HECTD4: variants seen among roughly 807,000 people sequenced by gnomAD.
HECTD4 encodes HECT domain E3 ubiquitin protein ligase 4, also known as probable E3 ubiquitin-protein ligase HECTD4.
A neutral mutation model predicts 471.5 loss-of-function variants in HECTD4; 114 were observed. The ratio of observed to expected loss-of-function variants is 0.24; its 90% CI spans 0.21 to 0.28. The LOEUF (loss-of-function observed/expected upper bound fraction) is 0.28, where lower values mean the gene tolerates loss of function less well. Among genes scored for constraint, HECTD4 ranks in the 10% least tolerant of loss-of-function variants. The pLI is 1.00. For synonymous variants in HECTD4, 2,012 were observed against 2,256.0 expected, an observed-to-expected ratio of 0.89 and a Z score of 3.07; for missense variants, 3,866 against 5,651.5, an observed-to-expected ratio of 0.68 and a Z score of 10.13.
chr12:112,171,189 G>A lies in HECTD4; in HGVS notation c.11860C>T (p.Leu3954=), dbSNP rs758117625. 6.2e-7 allele frequency: 1 copy of A among 1,613,412 alleles called. No individual in the cohort carries two copies. The highest frequency in any genetic ancestry group is 1.1e-5 in the South Asian group (1 of 90,908). The change falls in exon 68 of 76, where the codon CTG becomes TTG. Residue 3954 remains leucine (L), a synonymous_variant. Coordinates refer to ENST00000682272, the MANE Select transcript of HECTD4 (RefSeq NM_001388303.1). ...GTCTGGCGCAGCTCCACCAGGGGCA[G>A]GAAGAAGGTCTCCAGTGTGGTGTTG... is the stretch of plus-strand genomic sequence containing the variant. ...SLNTTLETFF[L]PLVELRQTPM... is the part of the protein sequence containing the mutation.
intron 51 of HECTD4, 75 bp downstream of exon 51, chr12:112,208,419 C>T: frequency 7.1e-7 from 1 of 1,411,244 alleles, no homozygotes; most frequent in Non-Finnish European, 9.4e-7. Context: ...AAAATCACTC[C>T]TCCAGGCTTG....
chr12:112,267,112 C>G, intron 13 of HECTD4, 130 bp from the exon 14 acceptor site: 1 of 626,390 alleles, frequency 1.6e-6, no homozygotes, highest in Non-Finnish European at 2.9e-6. Context: ...CATCTGTCAC[C>G]CCATTGATCG....
At chr12:112,310,132 A>G (rs1341473151) in intron 4 of HECTD4, among the ~76,000 whole-genome samples, 2 of 152,210 alleles carry the variant, frequency 1.3e-5, no homozygotes, top group African/African-American at 4.8e-5. Context: ...TTCATCTGTA[A>G]GATGAGGATA....
rs1241928258 is a variant in HECTD4, at chr12:112,239,054, T to C, written c.5288A>G (p.Glu1763Gly). 1.2e-6 allele frequency: 2 copies of C among 1,609,502 alleles called. No homozygotes were observed. Among genetic ancestry groups the C allele is most frequent in the Non-Finnish European group, 1.7e-6 (2 of 1,177,884 alleles). ...TAGAAAGGAGTCTGGCATCTCACCTTCCTCTTTTTCCCACTCAACACAGCG... is the reference window on the plus strand; with the variant it reads ...TAGAAAGGAGTCTGGCATCTCACCTCCCTCTTTTTCCCACTCAACACAGCG... ...ANRCVEWEKE[E>G]GGSTEAVHSG... The change falls in exon 34 of 76, where the codon GAA (glutamate) becomes GGA (glycine). Residue 1763 changes from glutamate to glycine, a missense_variant and splice_region_variant. By Grantham distance (98) the Glu-to-Gly change is moderately conservative (BLOSUM62 -2). Coordinates refer to ENST00000682272, the MANE Select transcript of HECTD4 (RefSeq NM_001388303.1). This position sits in a 1 kb window ranked among gnomAD's most constrained non-coding sequence, Gnocchi z 4.9.
Position 112,314,527 on chromosome 12 carries a change from C to T in HECTD4, c.715G>A (p.Val239Ile), listed in dbSNP as rs547525969. 62 of 1,523,884 alleles carry T rather than the reference C, an allele frequency of 4.1e-5. No individual in the cohort carries two copies. Among genetic ancestry groups the T allele is most frequent in the African/African-American group, 2.2e-4 (16 of 72,804 alleles). 94.4% of individuals were successfully genotyped at this position (1,523,884 alleles called of 1,614,324 possible). The change falls in exon 3 of 76, where the codon GTC (valine) becomes ATC (isoleucine). Residue 239 changes from valine to isoleucine, a missense_variant. By Grantham distance (29) the Val-to-Ile change is conservative (BLOSUM62 3). Coordinates refer to ENST00000682272, the MANE Select transcript of HECTD4 (RefSeq NM_001388303.1). ...ACARGSLKTF[V>I]HTVHLLQKQT... The stretch of plus-strand genomic sequence containing the variant: ...TTCTGTAATAGATGGACTGTGTGGA[C>T]GAAAGTTTTCAATGATCCCCTAAAA...
chr12:112,287,910 A>G (rs1466157860), intron 7 of HECTD4, among the ~76,000 whole-genome samples: 1 of 152,186 alleles, frequency 6.6e-6, no homozygotes, highest in Non-Finnish European at 1.5e-5. Context: ...CTGTTGCTCC[A>G]TGTGGGTAGA....
chr12:112,324,773 A>G (rs139533763), intron 1 of HECTD4, among the ~76,000 whole-genome samples: 306 of 152,280 alleles, frequency 2.0e-3, no homozygotes, highest in African/African-American at 6.2e-3. Context: ...AAAACTGCAA[A>G]ATTTTAACTT....
intron 1 of HECTD4, among the ~76,000 whole-genome samples, chr12:112,377,917 A>C (rs907959348): frequency 6.6e-6 from 1 of 152,156 alleles, no homozygotes; most frequent in Non-Finnish European, 1.5e-5. Context: ...TGGGAAGAAA[A>C]ATTTTAATTC....
chr12:112,316,595 G>A (rs2035485450), intron 2 of HECTD4, among the ~76,000 whole-genome samples: 1 of 152,104 alleles, frequency 6.6e-6, no homozygotes, highest in South Asian at 2.1e-4. Flanking sequence ...TAAGCTCTGT[G>A]AGGTAAGAAA....
intron 1 of HECTD4, among the ~76,000 whole-genome samples, chr12:112,348,430 T>C (rs373975381): frequency 1.3e-3 from 204 of 152,320 alleles, no homozygotes; most frequent in African/African-American, 4.7e-3. Context: ...ACTTAAAACT[T>C]ATATTCACTA....
intron 1 of HECTD4, among the ~76,000 whole-genome samples, chr12:112,346,980 G>T (rs1219521577): frequency 6.6e-6 from 1 of 151,968 alleles, no homozygotes; most frequent in Non-Finnish European, 1.5e-5. Flanking sequence ...CCTCCTAAAG[G>T]TATTCAAAGT....
intron 7 of HECTD4, among the ~76,000 whole-genome samples, chr12:112,300,681 T>C (rs778380468): frequency 6.6e-6 from 1 of 152,194 alleles, no homozygotes; most frequent in African/African-American, 2.4e-5. Context: ...CACTGCAGTC[T>C]TGACCTCCAG....
chr12:112,341,680 G>C (rs939039166), intron 1 of HECTD4, among the ~76,000 whole-genome samples: 2 of 152,162 alleles, frequency 1.3e-5, no homozygotes, highest in African/African-American at 4.8e-5. Context: ...CAAATGTTCA[G>C]AAAAACTAAC....
chr12:112,204,586 G>T lies in HECTD4; in HGVS notation c.8169C>A (p.Leu2723=). The part of the protein sequence containing the change: ...VDIARQTVEF[L]YEENGGIPRD... ...TTGGGATGCCACCATTCTCTTCGTAGAGAAATTCAACCGTCTGTCGGGCAA... is the reference window on the plus strand; with the variant it reads ...TTGGGATGCCACCATTCTCTTCGTATAGAAATTCAACCGTCTGTCGGGCAA... Residue 2723 remains leucine, a synonymous_variant, in exon 53 of 76, where the codon CTC becomes CTA. Coordinates refer to ENST00000682272, the MANE Select transcript of HECTD4 (RefSeq NM_001388303.1). 6.2e-7 allele frequency: 1 copy of T among 1,613,478 alleles called. No homozygotes were observed. Among genetic ancestry groups the T allele is most frequent in the South Asian group, 1.1e-5 (1 of 91,062 alleles).
At chr12:112,328,110 C>CTATT (rs58061315) in intron 1 of HECTD4, among the ~76,000 whole-genome samples, 16,712 of 145,682 alleles carry the variant, frequency 0.11, 1,293 homozygotes, top group African/African-American at 0.21. Flanking sequence ...CAATGTAAAA[C>CTATT]TATTTATTTA....
intron 28 of HECTD4, 32 bp from the exon 29 acceptor site, chr12:112,247,108 T>C (rs768326885): frequency 6.6e-7 from 1 of 1,506,234 alleles, no homozygotes; most frequent in Non-Finnish European, 9.0e-7. Context: ...CATTGAGTTG[T>C]TCTCTAGCTT....
intron 53 of HECTD4, 71 bp from the exon 54 acceptor site, chr12:112,203,843 T>C (rs1467640618): frequency 1.2e-6 from 1 of 868,120 alleles, no homozygotes; most frequent in Non-Finnish European, 1.7e-6. Flanking sequence ...ATTTAGCATC[T>C]AAAATAGCTC....
Position 112,175,848 on chromosome 12 carries a change from T to C in HECTD4, c.11482A>G (p.Lys3828Glu). The change falls in exon 66 of 76, where the codon AAA becomes GAA. Residue 3828 changes from lysine to glutamate, a missense_variant. Lys to Glu is a moderately conservative substitution (Grantham distance 56). Coordinates refer to ENST00000682272, the MANE Select transcript of HECTD4 (RefSeq NM_001388303.1). ...PTKKQEVPEE[K>E]YLTLEGFHKF... is the part of the protein sequence containing the mutation. ...TGAAATCCTTCCAGCGTCAGGTATT[T>C]TTCCTCAGGGACTGGTGGAAAGGGT... 6.2e-7 allele frequency: 1 copy of C among 1,613,612 alleles called. No homozygotes were observed. The highest frequency in any genetic ancestry group is 8.5e-7 in the Non-Finnish European group (1 of 1,179,766).
rs2135546364 is a variant in HECTD4, at chr12:112,213,493, T to C, written c.7466-843A>G. 6.7e-6 allele frequency among the ~76,000 whole-genome samples: 1 copy of C among 149,784 alleles called. No individual in the cohort carries two copies. Among genetic ancestry groups the C allele is most frequent in the East Asian group, 2.0e-4 (1 of 4,914 alleles). On this transcript the variant is annotated intron_variant, in intron 48 of 75. Transcript: ENST00000682272. This position sits in a 1 kb window ranked among gnomAD's most constrained non-coding sequence, Gnocchi z 4.0. ...CAAGGTCAGGAGATCGAGTCCATCC[T>C]GGCTAACACGGTGAAACCCTGTCTC... is the stretch of plus-strand genomic sequence containing the variant.
Sources: gnomAD v4.1 joint callset for allele counts (sites outside exome capture counted in the v4.1 genomes callset) on GRCh38, gnomAD v4.1.1 for gene constraint, Gnocchi (gnomAD v3.1) non-coding constraint, MANE v1.5 for transcripts, NCBI Gene and HGNC (gene_info 2026-07-23, HGNC 2026-07-21) for gene names.